Variants in GPR158 observed in about 807,000 individuals in gnomAD.
The protein encoded by GPR158 is G protein-coupled receptor 158.
In GPR158, 30 loss-of-function variants were observed where a neutral mutation model predicts 78.2. The ratio of observed to expected loss-of-function variants is 0.38; its 90% CI spans 0.29 to 0.52. The LOEUF (loss-of-function observed/expected upper bound fraction) is 0.52, where lower values mean the gene tolerates loss of function less well. GPR158 is among the 20% of genes least tolerant of loss of function. The pLI is 0.83. For synonymous variants in GPR158, 581 were observed against 591.1 expected (o/e 0.98, Z 0.25); for missense variants, 1,463 against 1,523.5 (o/e 0.96, Z 0.66).
chr10:25,224,510 G>T (rs909547841), intron 2 of GPR158, among the ~76,000 whole-genome samples: 9 of 151,548 alleles, frequency 5.9e-5, no homozygotes, highest in Admixed American at 2.6e-4. Context: ...TTTGTTAAAA[G>T]AATTATATAT....
intron 4 of GPR158, among the ~76,000 whole-genome samples, chr10:25,442,322 G>A (rs541845687): frequency 6.6e-6 from 1 of 152,096 alleles, no homozygotes; most frequent in Non-Finnish European, 1.5e-5. Context: ...AAGCAAACAC[G>A]AGTGGCTCAC....
At chr10:25,597,660 C>A in intron 10 of GPR158, 112 bp from the exon 11 acceptor site, 2 of 664,572 alleles carry the variant, frequency 3.0e-6, no homozygotes, top group Non-Finnish European at 4.8e-6. Flanking sequence ...AGCTGTAGAG[C>A]AGTTGCCCCA....
In GPR158 at chr10:25,297,386, A is replaced by G. The variant is rs539419948; in HGVS notation, c.1008+76229A>G. ...GAGTATTTTATGAATGAATCAATAC[A>G]TAAGCAAATGAGTGAATCAGGTGTG... On this transcript the variant is annotated intron_variant, in intron 2 of 10. Transcript: ENST00000376351. Among the ~76,000 whole-genome samples the G allele has an allele frequency of 3.3e-5, 5 of 152,324 alleles. 1 individual carries two copies. In the South Asian group the frequency reaches 1.0e-3, roughly 32 times the overall value.
Position 25,225,183 on chromosome 10 carries a change from C to CTTTTTTTTTT in GPR158, c.1008+4032_1008+4041dup, listed in dbSNP as rs60603738. The stretch of plus-strand genomic sequence containing the variant: ...AGATCAGCAGATTTGGAACATTTGC[C>CTTTTTTTTTT]TTTTTTTTTTTTTTTGTATAAAGCA... On this transcript the variant is annotated intron_variant, in intron 2 of 10. Transcript: ENST00000376351. Among the ~76,000 whole-genome samples, 563 of 134,694 alleles carry CTTTTTTTTTT rather than the reference C, an allele frequency of 4.2e-3. 16 individuals are homozygous for CTTTTTTTTTT. Among genetic ancestry groups the CTTTTTTTTTT allele is most frequent in the African/African-American group, 0.015 (526 of 35,428 alleles). 88.4% of individuals were successfully genotyped at this position (134,694 alleles called of 152,430 possible).
chr10:25,448,784 A>G (rs915866678), intron 4 of GPR158, among the ~76,000 whole-genome samples: 3 of 152,306 alleles, frequency 2.0e-5, no homozygotes, highest in Admixed American at 1.3e-4. Flanking sequence ...TGGTATTGTC[A>G]ATCTTTTTAA....
chr10:25,261,680 T>G (rs1244720526), intron 2 of GPR158, among the ~76,000 whole-genome samples: 2 of 152,162 alleles, frequency 1.3e-5, no homozygotes, highest in African/African-American at 4.8e-5. Context: ...GCGGAGTCAG[T>G]TGTCTTTTTG....
At chr10:25,444,239 T>C (rs1158464852) in intron 4 of GPR158, among the ~76,000 whole-genome samples, 12 of 148,128 alleles carry the variant, frequency 8.1e-5, no homozygotes, top group Admixed American at 8.1e-4. Flanking sequence ...ATGGGGGGTG[T>C]GTGTGAGTGT....
intron 2 of GPR158, among the ~76,000 whole-genome samples, chr10:25,252,493 G>T (rs899361806): frequency 1.3e-5 from 2 of 151,238 alleles, no homozygotes; most frequent in African/African-American, 4.9e-5. Context: ...GGGGTTTTTG[G>T]TGTGGATGTC....
chr10:25,309,408 T>C lies in GPR158; in HGVS notation c.1009-86503T>C, dbSNP rs964586064. Among the ~76,000 whole-genome samples the C allele has an allele frequency of 2.0e-5, 3 of 151,384 alleles. No homozygotes were observed. The South Asian group carries it at 6.2e-4, about 31-fold the overall frequency. On this transcript the variant is annotated intron_variant, in intron 2 of 10. Coordinates refer to ENST00000376351, the MANE Select transcript of GPR158 (RefSeq NM_020752.3). ...GCCCACTTTTGAATTCAGTTTTTTT[T>C]CCATTGTTATTGAGTTTTAAGAGTT...
chr10:25,175,706 C>G lies in GPR158; in HGVS notation c.286C>G (p.Arg96Gly), dbSNP rs775003956. ...LYTGDSHQLK[R>G]ANCSGRYELA... ...CACCGGGGACTCCCACCAGCTGAAG[C>G]GAGCCAACTGCTCCGGCCGCTACGA... Residue 96 changes from arginine to glycine, a missense_variant, in exon 1 of 11, where the codon CGA (arginine) becomes GGA (glycine). Coordinates refer to ENST00000376351, the MANE Select transcript of GPR158 (RefSeq NM_020752.3). The surrounding 1 kb of genome is among the most constrained non-coding windows in gnomAD (Gnocchi z 6.4). The G allele has an allele frequency of 3.7e-6, 6 of 1,611,606 alleles. No individual in the cohort carries two copies. Among genetic ancestry groups the G allele is most frequent in the Admixed American group, 3.3e-5 (2 of 60,002 alleles).
chr10:25,257,523 G>C (rs141926067), intron 2 of GPR158, among the ~76,000 whole-genome samples: 1 of 152,232 alleles, frequency 6.6e-6, no homozygotes, highest in East Asian at 1.9e-4. Flanking sequence ...TTCTACACTT[G>C]ATCTTAGCCA....
rs1852529428 is a variant in GPR158 at position 25,176,180 on chromosome 10, G to A, written c.760G>A (p.Asp254Asn). ...CCTGGGCCACAGCTGGCGGCGCAAG[G>A]ACGGGCTCGGCGGGGACAAGAGCCA... ...RGLGHSWRRK[D>N]GLGGDKSHFK... Residue 254 changes from aspartate to asparagine, a missense_variant, in exon 1 of 11, where the codon GAC becomes AAC. Transcript: ENST00000376351. The surrounding 1 kb of genome is among the most constrained non-coding windows in gnomAD (Gnocchi z 6.3). 1 of 1,582,588 alleles carries A rather than the reference G, an allele frequency of 6.3e-7. No individual in the cohort carries two copies. The highest frequency in any genetic ancestry group is 8.6e-7 in the Non-Finnish European group (1 of 1,166,056).
chr10:25,248,974 A>C (rs1258713964), intron 2 of GPR158, among the ~76,000 whole-genome samples: 1 of 149,852 alleles, frequency 6.7e-6, no homozygotes, highest in African/African-American at 2.5e-5. Flanking sequence ...ATTTGTTTGT[A>C]TCCTCTTTTA....
rs1852504808 is a variant in GPR158, at chr10:25,175,168, G to T, written c.-253G>T. ...CCCGCTCGGCTCCAGGCTGCGAGGT[G>T]CGTAATCCCCAGCCGGCCCCTCGCG... On this transcript the variant is annotated 5_prime_UTR_variant, in exon 1 of 11. Transcript: ENST00000376351. This position sits in a 1 kb window ranked among gnomAD's most constrained non-coding sequence, Gnocchi z 6.4. 1 of 435,940 alleles carries T rather than the reference G, an allele frequency of 2.3e-6. No homozygotes were observed. Among genetic ancestry groups the T allele is most frequent in the African/African-American group, 2.0e-5 (1 of 49,614 alleles). 27.0% of individuals were successfully genotyped at this position (435,940 alleles called of 1,614,324 possible). A position where few individuals can be genotyped will look rare whatever the true frequency, so the allele number is the denominator to read the frequency against.
At chr10:25,489,989 C>G (rs549106485) in intron 5 of GPR158, among the ~76,000 whole-genome samples, 1 of 152,152 alleles carries the variant, frequency 6.6e-6, no homozygotes, top group African/African-American at 2.4e-5. Flanking sequence ...TTTATATTTT[C>G]AACATTCAAA....
intron 2 of GPR158, among the ~76,000 whole-genome samples, chr10:25,346,513 C>G (rs1377616010): frequency 6.6e-6 from 1 of 151,880 alleles, no homozygotes; most frequent in Non-Finnish European, 1.5e-5. Flanking sequence ...CATTGAGCAT[C>G]CTTAGGTGCA....
chr10:25,570,885 A>G (rs1478773583), intron 6 of GPR158, among the ~76,000 whole-genome samples: 1 of 152,198 alleles, frequency 6.6e-6, no homozygotes, highest in Non-Finnish European at 1.5e-5. Context: ...ACGCCACTGC[A>G]TTCCAGCCTG....
At chr10:25,558,247 CAACTTTA>C (rs1255069880) in intron 6 of GPR158, among the ~76,000 whole-genome samples, 2 of 152,182 alleles carry the variant, frequency 1.3e-5, no homozygotes, top group African/African-American at 2.4e-5. Flanking sequence ...GTGTTCCAAC[CAACTTTA>C]AACTTATAAA....
chr10:25,515,588 C>T (rs1447213522), intron 5 of GPR158, among the ~76,000 whole-genome samples: 1 of 126,246 alleles, frequency 7.9e-6, no homozygotes, highest in Non-Finnish European at 1.7e-5. Flanking sequence ...TCTCATTGTT[C>T]AATTCCCACC....
Sources: allele counts gnomAD v4.1 joint callset (sites outside exome capture counted in the v4.1 genomes callset), GRCh38; gene constraint gnomAD v4.1.1; non-coding constraint Gnocchi (gnomAD v3.1); transcripts MANE v1.5; gene names NCBI Gene and HGNC (gene_info 2026-07-23, HGNC 2026-07-21).